Variants in ABR observed in about 807,000 individuals in gnomAD.
The protein encoded by ABR is ABR activator of RhoGEF and GTPase.
Under a neutral mutation model 107.2 loss-of-function variants are expected in ABR, and 35 were observed. That is an observed-to-expected ratio of 0.33 (90% CI 0.25 to 0.43). The LOEUF is 0.43. Among genes scored for constraint, ABR ranks in the 20% least tolerant of loss-of-function variants. ABR has a pLI of 1.00. For missense variants in ABR, 815 were observed against 1,115.2 expected (o/e 0.73, Z 3.83); for synonymous variants, 498 against 462.0 (o/e 1.08, Z -1.00).
chr17:1,024,463 G>A (rs965228298), intron 16 of ABR, among the ~76,000 whole-genome samples: 1 of 152,150 alleles, frequency 6.6e-6, no homozygotes, highest in African/African-American at 2.4e-5. Context: ...CTTCATCTGA[G>A]TCACTCTCTG....
At chr17:1,008,409 A>C (rs2070231575) in intron 21 of ABR, among the ~76,000 whole-genome samples, 1 of 152,232 alleles carries the variant, frequency 6.6e-6, no homozygotes, top group Non-Finnish European at 1.5e-5. Context: ...TGTGATGCCA[A>C]CAGGCAGCTG....
At chr17:1,109,142 G>A in intron 2 of ABR, 1 of 1,426,726 alleles carries the variant, frequency 7.0e-7, no homozygotes, top group African/African-American at 1.5e-5. Context: ...GAGGAGGGAG[G>A]AGGCGGGCGG....
intron 1 of ABR, among the ~76,000 whole-genome samples, chr17:1,172,328 T>C (rs2041746540): frequency 6.6e-6 from 1 of 152,216 alleles, no homozygotes. Context: ...TGGCCTGATT[T>C]CTTTCTCCTT....
chr17:1,087,650 A>G (rs4510082), intron 4 of ABR, among the ~76,000 whole-genome samples: 43,065 of 151,736 alleles, frequency 0.28, 6,206 homozygotes, highest in Middle Eastern at 0.32. Context: ...GGCCCGGCCC[A>G]TCAATGCCCA....
chr17:1,169,226 C>T (rs1219763247), intron 1 of ABR, among the ~76,000 whole-genome samples: 1 of 152,218 alleles, frequency 6.6e-6, no homozygotes, highest in African/African-American at 2.4e-5. Flanking sequence ...AGACCTGGTG[C>T]GTCCCCCTCA....
At chr17:1,035,044 C>T (rs1567621015) in intron 16 of ABR, among the ~76,000 whole-genome samples, 1 of 151,946 alleles carries the variant, frequency 6.6e-6, no homozygotes, top group Non-Finnish European at 1.5e-5. Context: ...GGAGTCTTCC[C>T]CTGAGACGCT....
chr17:1,102,971 A>G (rs935692747), intron 2 of ABR, among the ~76,000 whole-genome samples: 7 of 152,120 alleles, frequency 4.6e-5, no homozygotes, highest in African/African-American at 1.7e-4. Context: ...CGGCCTCCCA[A>G]AGTGCTGGGA....
intron 1 of ABR, among the ~76,000 whole-genome samples, chr17:1,203,416 CG>C (rs1398738581): frequency 5.0e-5 from 3 of 59,928 alleles, no homozygotes; most frequent in Non-Finnish European, 8.5e-5. Context: ...GCGGAGTCTG[CG>C]GGGGCGGGGC....
chr17:1,064,489 G>C (rs796863737), intron 10 of ABR, among the ~76,000 whole-genome samples: 218 of 64,230 alleles, frequency 3.4e-3, no homozygotes, highest in Middle Eastern at 0.015. Context: ...TGTTCCTCTA[G>C]ACACTGTTGT....
chr17:1,193,627 G>A (rs963925979), intron 1 of ABR, among the ~76,000 whole-genome samples: 1 of 152,092 alleles, frequency 6.6e-6, no homozygotes, highest in African/African-American at 2.4e-5. Flanking sequence ...TTTCCAGCAC[G>A]CCAGGGAGTA....
intron 4 of ABR, among the ~76,000 whole-genome samples, chr17:1,087,631 G>C (rs1339475296): frequency 1.3e-5 from 2 of 152,260 alleles, no homozygotes; most frequent in Admixed American, 1.3e-4. Context: ...CTTTTCCAGG[G>C]AGTACTGAGG....
intron 1 of ABR, among the ~76,000 whole-genome samples, chr17:1,185,982 C>T (rs1804313287): frequency 6.6e-6 from 1 of 152,174 alleles, no homozygotes; most frequent in South Asian, 2.1e-4. Flanking sequence ...ATTACAGGAG[C>T]CCGCCACCAC....
At chr17:1,142,743 G>A (rs1391223534) in intron 1 of ABR, among the ~76,000 whole-genome samples, 3 of 152,166 alleles carry the variant, frequency 2.0e-5, no homozygotes, top group African/African-American at 4.8e-5. Flanking sequence ...CAAGACGGAC[G>A]GAAAGGGCTT....
chr17:1,202,717 G>T (rs1465856019), intron 1 of ABR, among the ~76,000 whole-genome samples: 1 of 152,060 alleles, frequency 6.6e-6, no homozygotes, highest in Non-Finnish European at 1.5e-5. Flanking sequence ...GATGAAATAG[G>T]CCTAGGTTTA....
intron 16 of ABR, among the ~76,000 whole-genome samples, chr17:1,049,253 T>C (rs7223113): frequency 0.13 from 19,404 of 152,100 alleles, 1,445 homozygotes; most frequent in Admixed American, 0.2. Context: ...CTGCAACCTC[T>C]ACCTCCTGGG....
At chr17:1,195,199 C>A (rs957975863) in intron 1 of ABR, among the ~76,000 whole-genome samples, 1 of 145,248 alleles carries the variant, frequency 6.9e-6, no homozygotes, top group South Asian at 2.3e-4. Context: ...CCCAGCTACT[C>A]GGGAGGCTGA....
intron 16 of ABR, chr17:1,031,744 C>CGT (rs1567614212): frequency 2.0e-5 from 25 of 1,236,118 alleles, no homozygotes; most frequent in African/African-American, 3.1e-5. Flanking sequence ...TCGGTCATGC[C>CGT]GGGGGGGACG....
chr17:1,083,646 G>C lies in ABR; in HGVS notation c.532-19C>G. 3.3e-6 allele frequency: 5 copies of C among 1,515,832 alleles called. No individual in the cohort carries two copies. Among genetic ancestry groups the C allele is most frequent in the Middle Eastern group, 1.7e-4 (1 of 5,808 alleles). The allele number at this position is 1,515,832 out of a possible 1,614,324, so 93.9% of individuals were successfully genotyped here. A position where few individuals can be genotyped will look rare whatever the true frequency, so the allele number is the denominator to read the frequency against. ...GGCTGGCCTGCAGGGAGGAGTCAGGGAACAGAGGGAGAGGAGGGTGGGAGG... is the reference window on the plus strand; with the variant it reads ...GGCTGGCCTGCAGGGAGGAGTCAGGCAACAGAGGGAGAGGAGGGTGGGAGG... On this transcript the variant is annotated intron_variant, in intron 4 of 22. Transcript: ENST00000302538.
chr17:1,006,797 C>T (rs1427575356), intron 22 of ABR, among the ~76,000 whole-genome samples: 1 of 133,596 alleles, frequency 7.5e-6, no homozygotes. Flanking sequence ...GTCATGGGAC[C>T]GTCACCCTCC....
Sources: allele counts gnomAD v4.1 joint callset (sites outside exome capture counted in the v4.1 genomes callset), GRCh38; gene constraint gnomAD v4.1.1; transcripts MANE v1.5; gene names NCBI Gene and HGNC (gene_info 2026-07-23, HGNC 2026-07-21).